Variants in PI4KA observed in about 807,000 individuals in gnomAD.
The protein encoded by PI4KA is PI4-kinase alpha.
In PI4KA, 122 loss-of-function variants were observed where a neutral mutation model predicts 271.4. That is an observed-to-expected ratio of 0.45 (90% CI 0.39 to 0.52). PI4KA has a LOEUF of 0.52. PI4KA is among the 20% of genes least tolerant of loss of function. The pLI is 0.00. For missense variants in PI4KA, 1,969 were observed against 2,769.1 expected (o/e 0.71, Z 6.48); for synonymous variants, 1,041 against 1,078.8 (o/e 0.96, Z 0.69).
At chr22:20,779,988 A>C (rs1569024122) in intron 19 of PI4KA, 1 of 1,614,172 alleles carries the variant, frequency 6.2e-7, no homozygotes, top group South Asian at 1.1e-5. Flanking sequence ...TGACCTTTAT[A>C]TCCAGAAGCA....
chr22:20,815,492 A>G (rs1921681609), intron 7 of PI4KA, among the ~76,000 whole-genome samples: 1 of 152,208 alleles, frequency 6.6e-6, no homozygotes, highest in African/African-American at 2.4e-5. Context: ...AAAGAAGTGA[A>G]TACTAAATTT....
intron 19 of PI4KA, among the ~76,000 whole-genome samples, chr22:20,790,959 G>A (rs1934605444): frequency 6.6e-6 from 1 of 152,218 alleles, no homozygotes; most frequent in East Asian, 1.9e-4. Flanking sequence ...ATGAGCATGT[G>A]CTAAGCTATC....
At chr22:20,791,032 C>T (rs1469469323) in intron 19 of PI4KA, among the ~76,000 whole-genome samples, 2 of 152,180 alleles carry the variant, frequency 1.3e-5, no homozygotes, top group Admixed American at 1.3e-4. Flanking sequence ...GGCTCACACA[C>T]GATCCCACAT....
chr22:20,722,383 C>T (rs898755425), intron 42 of PI4KA, among the ~76,000 whole-genome samples: 26 of 152,132 alleles, frequency 1.7e-4, no homozygotes, highest in African/African-American at 5.8e-4. Context: ...GACAGGGTTT[C>T]GCCATGTTGT....
At chr22:20,727,944 CA>C (rs1927566086) in intron 39 of PI4KA, 80 bp from the exon 40 acceptor site, 2 of 971,676 alleles carry the variant, frequency 2.1e-6, no homozygotes, top group East Asian at 4.9e-5. Context: ...TGAGGGGAGC[CA>C]GGGGGAAACA....
chr22:20,856,110 C>T (rs550463744), intron 1 of PI4KA, among the ~76,000 whole-genome samples: 3 of 152,236 alleles, frequency 2.0e-5, no homozygotes, highest in African/African-American at 4.8e-5. Flanking sequence ...GGTGAAACCC[C>T]GTCTCCACTA....
At chr22:20,727,907 A>C in intron 39 of PI4KA, 43 bp from the exon 40 acceptor site, 2 of 1,463,692 alleles carry the variant, frequency 1.4e-6, no homozygotes, top group Non-Finnish European at 1.9e-6. Context: ...CTCGCCAGGG[A>C]ACCTGCACTC....
chr22:20,808,407 C>T (rs1025811856), intron 9 of PI4KA, among the ~76,000 whole-genome samples: 6 of 151,462 alleles, frequency 4.0e-5, no homozygotes, highest in Non-Finnish European at 2.9e-5. Context: ...GCCTGTCCAA[C>T]ATGGTGACAC....
intron 19 of PI4KA, chr22:20,786,223 C>A: frequency 6.7e-7 from 1 of 1,497,820 alleles, no homozygotes; most frequent in Non-Finnish European, 9.3e-7. Context: ...ACTTGCCCTT[C>A]CTACCCACCC....
At chr22:20,722,639 T>C (rs1926876721) in intron 42 of PI4KA, among the ~76,000 whole-genome samples, 1 of 152,218 alleles carries the variant, frequency 6.6e-6, no homozygotes, top group Admixed American at 6.5e-5. Context: ...TTTTTTTTGT[T>C]CCTAGAGCCA....
intron 32 of PI4KA, among the ~76,000 whole-genome samples, chr22:20,737,923 G>A (rs1390342414): frequency 2.6e-5 from 4 of 151,050 alleles, no homozygotes; most frequent in Non-Finnish European, 5.9e-5. Flanking sequence ...GAGCCACTGC[G>A]CCTGGCTGAG....
intron 32 of PI4KA, among the ~76,000 whole-genome samples, chr22:20,735,729 G>A (rs1330863534): frequency 1.3e-5 from 2 of 152,234 alleles, no homozygotes; most frequent in African/African-American, 4.8e-5. Context: ...GAGCCGACGG[G>A]AGCCCGGGGC....
chr22:20,816,804 G>A (rs1199627706), intron 7 of PI4KA, among the ~76,000 whole-genome samples: 2 of 152,324 alleles, frequency 1.3e-5, no homozygotes, highest in East Asian at 3.9e-4. Context: ...GATACGTGGG[G>A]ATCTCGCAGT....
Position 20,707,905 on chromosome 22 carries a change from C to T in PI4KA, c.*142G>A, listed in dbSNP as rs1924707070. The stretch of plus-strand genomic sequence containing the variant: ...CCAAGGCTGCGCCACCCACGTGCTG[C>T]CCCAGGAGGCGCTACCAGGTTCTTT... On this transcript the variant is annotated 3_prime_UTR_variant, in exon 55 of 55. Transcript: ENST00000255882. 3 of 798,678 alleles carry T rather than the reference C, an allele frequency of 3.8e-6. No homozygotes were observed. Among genetic ancestry groups the T allele is most frequent in the East Asian group, 2.4e-5 (1 of 41,192 alleles). The allele number at this position is 798,678 out of a possible 1,614,324, so 49.5% of individuals were successfully genotyped here. A position where few individuals can be genotyped will look rare whatever the true frequency, so the allele number is the denominator to read the frequency against.
chr22:20,804,489 TA>T, intron 11 of PI4KA, 89 bp from the exon 12 acceptor site: 1 of 901,496 alleles, frequency 1.1e-6, no homozygotes, highest in Non-Finnish European at 1.8e-6. Flanking sequence ...CAGAATTTAA[TA>T]AAACCCCAGA....
In PI4KA at chr22:20,751,466, T is replaced by C. The variant is rs1263096784; in HGVS notation, c.3070-90A>G. ...GGGCCACCCCTACCCACCACCTGTC[T>C]GTCTGTGACAGGCCTCCATACTTGA... On this transcript the variant is annotated intron_variant, in intron 26 of 54. Transcript: ENST00000255882. The C allele has an allele frequency of 5.9e-6, 7 of 1,181,250 alleles. No homozygotes were observed. The East Asian group carries it at 9.7e-5, about 16-fold the overall frequency. The allele number at this position is 1,181,250 out of a possible 1,614,324, so 73.2% of individuals were successfully genotyped here.
At chr22:20,833,949 C>G (rs1188972165) in intron 3 of PI4KA, among the ~76,000 whole-genome samples, 1 of 151,888 alleles carries the variant, frequency 6.6e-6, no homozygotes, top group South Asian at 2.1e-4. Flanking sequence ...TGAGCCACCA[C>G]GCCCGGCCGA....
At chr22:20,842,092 G>A (rs2078891) in intron 1 of PI4KA, among the ~76,000 whole-genome samples, 4,514 of 152,158 alleles carry the variant, frequency 0.03, 89 homozygotes, top group Middle Eastern at 0.061. Context: ...GGCAGGCCCC[G>A]TGGCAGGTGC....
chr22:20,786,982 C>T, intron 19 of PI4KA: 1 of 1,614,194 alleles, frequency 6.2e-7, no homozygotes, highest in Non-Finnish European at 8.5e-7. Flanking sequence ...TCACTGTCGA[C>T]CGCCCCTTTC....
Sources: allele counts gnomAD v4.1 joint callset (sites outside exome capture counted in the v4.1 genomes callset), GRCh38; gene constraint gnomAD v4.1.1; transcripts MANE v1.5; gene names NCBI Gene and HGNC (gene_info 2026-07-23, HGNC 2026-07-21).